The following HTR1A variants were observed in gnomAD, a reference collection of about 807,000 sequenced individuals.
HTR1A encodes the protein 5-HT1a receptor.
A neutral mutation model predicts 24.6 loss-of-function variants in HTR1A; 17 were observed. The observed-to-expected ratio is 0.69, with a 90% confidence interval of 0.47 to 1.04. The LOEUF (loss-of-function observed/expected upper bound fraction) is 1.04, where lower values mean the gene tolerates loss of function less well. Ranked by LOEUF, HTR1A falls within the 50% of genes least tolerant of loss-of-function variation. The pLI is 0.00. For missense variants in HTR1A, 515 were observed against 565.1 expected, an observed-to-expected ratio of 0.91 and a Z score of 0.90; for synonymous variants, 262 against 244.6, an observed-to-expected ratio of 1.07 and a Z score of -0.67.
Position 63,958,272 on chromosome 5 carries a change from C to T in HTR1A, c.*2179G>A, listed in dbSNP as rs1395552678. Reference sequence around the variant, plus strand: ...TCTATCTTATCTTCTTCACTGCAGACCCTTCTCAGCATTATACATGCATAG... The same window carrying T: ...TCTATCTTATCTTCTTCACTGCAGATCCTTCTCAGCATTATACATGCATAG... On this transcript the variant is annotated 3_prime_UTR_variant, in exon 1 of 1. Coordinates refer to ENST00000323865, the MANE Select transcript of HTR1A (RefSeq NM_000524.4). Among the ~76,000 whole-genome samples, 1 of 152,146 alleles carries T rather than the reference C, an allele frequency of 6.6e-6. No homozygotes were observed. Among genetic ancestry groups the T allele is most frequent in the African/African-American group, 2.4e-5 (1 of 41,438 alleles).
rs1389148340 is a variant in HTR1A at position 63,960,100 on chromosome 5, C to T, written c.*351G>A. Among the ~76,000 whole-genome samples the T allele has an allele frequency of 1.3e-5, 2 of 152,114 alleles. No homozygotes were observed. The highest frequency in any genetic ancestry group is 4.8e-5 in the African/African-American group (2 of 41,422). ...GTTTATTTATTTTTTGGATTTTCTG[C>T]CTTGAACTAAGCATTAAACATCCAC... On this transcript the variant is annotated 3_prime_UTR_variant, in exon 1 of 1. Coordinates refer to ENST00000323865, the MANE Select transcript of HTR1A (RefSeq NM_000524.4).
rs776458272 is a variant in HTR1A at position 63,960,584 on chromosome 5, G to T, written c.1136C>A (p.Thr379Asn). The change falls in exon 1 of 1, where the codon ACC becomes AAC. Residue 379 changes from threonine to asparagine, a missense_variant. By Grantham distance (65) the Thr-to-Asn change is moderately conservative (BLOSUM62 0). Coordinates refer to ENST00000323865, the MANE Select transcript of HTR1A (RefSeq NM_000524.4). Reference protein sequence around the residue: ...PFCESSCHMPTLLGAIINWLG... With the variant: ...PFCESSCHMPNLLGAIINWLG... ...CCAATTGATTATGGCGCCCAACAGG[G>T]TGGGCATGTGGCAGCTGCTCTCGCA... 2 of 1,614,238 alleles carry T rather than the reference G, an allele frequency of 1.2e-6. No homozygotes were observed. The highest frequency in any genetic ancestry group is 1.7e-6 in the Non-Finnish European group (2 of 1,180,054).
At position 63,961,062 on chromosome 5, in the gene HTR1A, GGA is replaced by G; in HGVS notation, c.656_657del (p.Phe219SerfsTer66). ...LLMLVLYGRIFRAARFRIRKT... is the reference protein window; with the variant it reads ...LLMLVLYGRIXRAARFRIRKT... ...TTGCGGATGCGGAAGCGCGCAGCTC[GGA>G]ATATGCGCCCATAGAGAACCAGCAT... On this transcript the variant is annotated frameshift_variant, in exon 1 of 1. Coordinates refer to ENST00000323865, the MANE Select transcript of HTR1A (RefSeq NM_000524.4). LOFTEE classifies it high-confidence loss of function. 1 of 1,614,234 alleles carries G rather than the reference GGA, an allele frequency of 6.2e-7. No homozygotes were observed. Among genetic ancestry groups the G allele is most frequent in the Non-Finnish European group, 8.5e-7 (1 of 1,180,052 alleles).
chr5:63,960,742 C>T lies in HTR1A; in HGVS notation c.978G>A (p.Glu326=). Residue 326 remains glutamate (E), a synonymous_variant, in exon 1 of 1, where the codon GAG becomes GAA. Coordinates refer to ENST00000323865, the MANE Select transcript of HTR1A (RefSeq NM_000524.4). ...CAPASFERKN[E]RNAEAKRKMA... ...TCTTGCGCTTCGCCTCGGCGTTGCG[C>T]TCATTTTTCCTCTCGAAAGAGGCGG... The T allele has an allele frequency of 4.3e-6, 7 of 1,614,214 alleles. No individual in the cohort carries two copies. Among genetic ancestry groups the T allele is most frequent in the African/African-American group, 1.3e-5 (1 of 75,074 alleles).
chr5:63,959,103 A>C lies in HTR1A; in HGVS notation c.*1348T>G, dbSNP rs1342790364. The stretch of plus-strand genomic sequence containing the variant: ...CGAGTGTTGGGACACGCTAAACAGA[A>C]TTATTCCCCGATCCAAAAAGGACAA... On this transcript the variant is annotated 3_prime_UTR_variant, in exon 1 of 1. Coordinates refer to ENST00000323865, the MANE Select transcript of HTR1A (RefSeq NM_000524.4). 6.6e-6 allele frequency among the ~76,000 whole-genome samples: 1 copy of C among 152,176 alleles called. No individual in the cohort carries two copies. Among genetic ancestry groups the C allele is most frequent in the Non-Finnish European group, 1.5e-5 (1 of 68,030 alleles).
Position 63,959,909 on chromosome 5 carries a change from A to T in HTR1A, c.*542T>A, listed in dbSNP as rs1182460133. 6.6e-6 allele frequency among the ~76,000 whole-genome samples: 1 copy of T among 152,170 alleles called. No homozygotes were observed. The highest frequency in any genetic ancestry group is 6.5e-5 in the Admixed American group (1 of 15,280). ...TGCATAAGGATGGGCGAGGGCAGAG[A>T]GGGAAGCAATGAAAAAAAGAAAAGA... On this transcript the variant is annotated 3_prime_UTR_variant, in exon 1 of 1. Coordinates refer to ENST00000323865, the MANE Select transcript of HTR1A (RefSeq NM_000524.4).
At position 63,961,552 on chromosome 5, in the gene HTR1A, G is replaced by A. The variant is rs1163044674; in HGVS notation, c.168C>T (p.Cys56=). ...GCTCCAAGGCGATGGCAGCCACCAC[G>A]CACGCATTGCCCAGCACCGCGCAGA... is the stretch of plus-strand genomic sequence containing the variant. ...LIFCAVLGNA[C]VVAAIALERS... Residue 56 remains cysteine, a synonymous_variant, in exon 1 of 1, where the codon TGC becomes TGT. Coordinates refer to ENST00000323865, the MANE Select transcript of HTR1A (RefSeq NM_000524.4). 2 of 1,614,228 alleles carry A rather than the reference G, an allele frequency of 1.2e-6. No homozygotes were observed. Among genetic ancestry groups the A allele is most frequent in the South Asian group, 2.2e-5 (2 of 91,088 alleles).
chr5:63,961,315 G>C lies in HTR1A; in HGVS notation c.405C>G (p.Tyr135Ter). Residue 135 changes from tyrosine to a stop codon, truncating the protein, a stop_gained, in exon 1 of 1, where the codon TAC becomes TAG. Transcript: ENST00000323865. LOFTEE classifies it high-confidence loss of function. ...AGTCGATGGGGTCCGTGATGGCCCA[G>C]TACCTGTCCAGCGCGATGGCGCACA... The part of the protein sequence containing the change: ...LHLCAIALDR[Y>*]WAITDPIDYV... 1.2e-6 allele frequency: 2 copies of C among 1,614,144 alleles called. No homozygotes were observed. The highest frequency in any genetic ancestry group is 1.7e-6 in the Non-Finnish European group (2 of 1,179,996).
rs529037522 is a variant in HTR1A at position 63,960,246 on chromosome 5, C to G, written c.*205G>C. ...CTCTCTGAATTTCCTGGGCTCTCAA[C>G]GCTCCTCCGCTGGGTCTCCTTTGCA... On this transcript the variant is annotated 3_prime_UTR_variant, in exon 1 of 1. Transcript: ENST00000323865. The G allele has an allele frequency of 3.2e-6, 2 of 631,752 alleles. No homozygotes were observed. The highest frequency in any genetic ancestry group is 2.7e-5 in the East Asian group (1 of 37,464). The allele number at this position is 631,752 out of a possible 1,614,324, so 39.1% of individuals were successfully genotyped here.
rs1800042 is a variant in HTR1A, at chr5:63,960,902, C to A, written c.818G>T (p.Gly273Val). 4 of 1,613,836 alleles carry A rather than the reference C, an allele frequency of 2.5e-6. No homozygotes were observed. The highest frequency in any genetic ancestry group is 2.7e-5 in the African/African-American group (2 of 74,960). ...WRLGVESKAG[G>V]ALCANGAVRQ... ...CACCGCGCCATTGGCGCACAGAGCA[C>A]CCCCAGCCTTGCTCTCCACGCCCAG... is the stretch of plus-strand genomic sequence containing the variant. The change falls in exon 1 of 1, where the codon GGT becomes GTT. Residue 273 changes from glycine to valine, a missense_variant. By Grantham distance (109) the Gly-to-Val change is moderately radical. This residue lies in a region of HTR1A where 381 missense variants were observed against 384.5 expected (regional missense o/e 0.99). Coordinates refer to ENST00000323865, the MANE Select transcript of HTR1A (RefSeq NM_000524.4).
Position 63,958,103 on chromosome 5 carries a change from G to T in HTR1A, c.*2348C>A, listed in dbSNP as rs568385938. On this transcript the variant is annotated 3_prime_UTR_variant, in exon 1 of 1. Transcript: ENST00000323865. ...CATAATTTGGATGAGCAAATTTGGGGTTTGGATTATTTTAAATATAGACTT... is the reference window on the plus strand; with the variant it reads ...CATAATTTGGATGAGCAAATTTGGGTTTTGGATTATTTTAAATATAGACTT... The T allele has an allele frequency of 6.6e-6, 1 of 152,288 alleles. No individual in the cohort carries two copies. Among genetic ancestry groups the T allele is most frequent in the East Asian group, 1.9e-4 (1 of 5,184 alleles). 9.4% of individuals were successfully genotyped at this position (152,288 alleles called of 1,614,324 possible).
In HTR1A at chr5:63,962,050, C is replaced by A; in HGVS notation, c.-331G>T. 1 of 433,386 alleles carries A rather than the reference C, an allele frequency of 2.3e-6. No individual in the cohort carries two copies. Among genetic ancestry groups the A allele is most frequent in the Non-Finnish European group, 4.3e-6 (1 of 231,990 alleles). The allele number at this position is 433,386 out of a possible 1,614,324, so 26.8% of individuals were successfully genotyped here. On this transcript the variant is annotated 5_prime_UTR_variant, in exon 1 of 1. Coordinates refer to ENST00000323865, the MANE Select transcript of HTR1A (RefSeq NM_000524.4). Reference sequence around the variant, plus strand: ...TCCATTTTACTTTGCCGCTCCCGAACTGGCTGCCGGAGCTGGAGTCTCCCC... The same window carrying A: ...TCCATTTTACTTTGCCGCTCCCGAAATGGCTGCCGGAGCTGGAGTCTCCCC...
rs1746371414 is a variant in HTR1A at position 63,959,209 on chromosome 5, C to A, written c.*1242G>T. On this transcript the variant is annotated 3_prime_UTR_variant, in exon 1 of 1. Coordinates refer to ENST00000323865, the MANE Select transcript of HTR1A (RefSeq NM_000524.4). The stretch of plus-strand genomic sequence containing the variant: ...GTTTTACTGGGGGAGCCAGCTGGAG[C>A]CTTGGGCACGCGCGCCCTGGGGAAC... 6.6e-6 allele frequency among the ~76,000 whole-genome samples: 1 copy of A among 152,220 alleles called. No homozygotes were observed. Among genetic ancestry groups the A allele is most frequent in the African/African-American group, 2.4e-5 (1 of 41,470 alleles).
At position 63,961,646 on chromosome 5, in the gene HTR1A, G is replaced by C; in HGVS notation, c.74C>G (p.Thr25Ser). The C allele has an allele frequency of 6.2e-7, 1 of 1,613,904 alleles. No individual in the cohort carries two copies. Reference protein sequence around the residue: ...PPAPFETGGNTTGISDVTVSY... With the variant: ...PPAPFETGGNSTGISDVTVSY... ...GACGGTCACGTCGGAGATACCAGTA[G>C]TGTTGCCGCCGGTCTCAAAGGGAGC... is the stretch of plus-strand genomic sequence containing the variant. Residue 25 changes from threonine (T) to serine (S), a missense_variant, in exon 1 of 1, where the codon ACT (threonine) becomes AGT (serine). Around this residue, in one of 3 missense-constraint regions of HTR1A, gnomAD observed 54 missense variants for 49.8 expected, o/e 1.08. Coordinates refer to ENST00000323865, the MANE Select transcript of HTR1A (RefSeq NM_000524.4).
At position 63,961,176 on chromosome 5, in the gene HTR1A, A is replaced by C. The variant is rs1746426918; in HGVS notation, c.544T>G (p.Ser182Ala). Residue 182 changes from serine to alanine, a missense_variant, in exon 1 of 1, where the codon TCG becomes GCG. Ser to Ala is a moderately conservative substitution (Grantham distance 99, BLOSUM62 1). This residue lies in a region of HTR1A where 381 missense variants were observed against 384.5 expected (regional missense o/e 0.99). Coordinates refer to ENST00000323865, the MANE Select transcript of HTR1A (RefSeq NM_000524.4). The stretch of plus-strand genomic sequence containing the variant: ...CTAATGGTGCATGCGTCGGGGTCCG[A>C]GCGGTCTTCCGGGGTGCGCCAGCCC... ...MLGWRTPEDR[S>A]DPDACTISKD... The C allele has an allele frequency of 5.6e-6, 9 of 1,614,128 alleles. No individual in the cohort carries two copies. The highest frequency in any genetic ancestry group is 7.6e-6 in the Non-Finnish European group (9 of 1,180,052).
Position 63,961,781 on chromosome 5 carries a change from C to G in HTR1A, c.-62G>C. ...AAAGCAGCGCGAAGATTCGCCTCGC[C>G]CCTTCCCCTGGGGTCTTCCGCCCTT... On this transcript the variant is annotated 5_prime_UTR_variant, in exon 1 of 1. Coordinates refer to ENST00000323865, the MANE Select transcript of HTR1A (RefSeq NM_000524.4). 6.4e-7 allele frequency: 1 copy of G among 1,557,336 alleles called. No individual in the cohort carries two copies. The highest frequency in any genetic ancestry group is 8.8e-7 in the Non-Finnish European group (1 of 1,130,454).
At position 63,960,270 on chromosome 5, in the gene HTR1A, C is replaced by A; in HGVS notation, c.*181G>T. On this transcript the variant is annotated 3_prime_UTR_variant, in exon 1 of 1. Transcript: ENST00000323865. ...ACGCTCCTCCGCTGGGTCTCCTTTG[C>A]ACAAAGGGCCCTGCCGTGGAGCAGG... is the stretch of plus-strand genomic sequence containing the variant. 1.4e-6 allele frequency: 1 copy of A among 716,770 alleles called. No homozygotes were observed. Among genetic ancestry groups the A allele is most frequent in the Non-Finnish European group, 2.5e-6 (1 of 407,560 alleles). The allele number at this position is 716,770 out of a possible 1,614,324, so 44.4% of individuals were successfully genotyped here.
rs753733145 is a variant in HTR1A, at chr5:63,960,967, C to G, written c.753G>C (p.Lys251Asn). The G allele has an allele frequency of 1.5e-5, 24 of 1,614,106 alleles. No individual in the cohort carries two copies. Among genetic ancestry groups the G allele is most frequent in the Non-Finnish European group, 2.0e-5 (24 of 1,180,050 alleles). ...RHGASPAPQP[K>N]KSVNGESGSR... is the part of the protein sequence containing the mutation. ...TCCCCGACTCTCCATTCACACTCTT[C>G]TTGGGCTGCGGGGCGGGAGATGCTC... The change falls in exon 1 of 1, where the codon AAG (lysine) becomes AAC (asparagine). Residue 251 changes from lysine to asparagine, a missense_variant. This residue lies in a region of HTR1A where 381 missense variants were observed against 384.5 expected (regional missense o/e 0.99). Transcript: ENST00000323865.
At position 63,959,164 on chromosome 5, in the gene HTR1A, G is replaced by A. The variant is rs1746370402; in HGVS notation, c.*1287C>T. On this transcript the variant is annotated 3_prime_UTR_variant, in exon 1 of 1. Transcript: ENST00000323865. Reference sequence around the variant, plus strand: ...TAGGAGGAAAAATTCTACATCGTAAGGATAAAATTGCTCTTTCAGGTTTTA... The same window carrying A: ...TAGGAGGAAAAATTCTACATCGTAAAGATAAAATTGCTCTTTCAGGTTTTA... Among the ~76,000 whole-genome samples the A allele has an allele frequency of 6.6e-6, 1 of 152,214 alleles. No homozygotes were observed. Among genetic ancestry groups the A allele is most frequent in the Admixed American group, 6.5e-5 (1 of 15,276 alleles).
Sources: gnomAD v4.1 joint callset for allele counts (sites outside exome capture counted in the v4.1 genomes callset) on GRCh38, gnomAD v4.1.1 for gene constraint, gnomAD v4.1.1 regional missense constraint, MANE v1.5 for transcripts, NCBI Gene and HGNC (gene_info 2026-07-23, HGNC 2026-07-21) for gene names.